The following SMYD2 variants were observed in gnomAD, a reference collection of about 807,000 sequenced individuals.
SMYD2 encodes N-lysine methyltransferase SMYD2.
SMYD2 carries 53 observed loss-of-function variants against 59.1 expected under a neutral mutation model. The observed-to-expected ratio is 0.90, with a 90% CI of 0.72 to 1.13. The LOEUF (loss-of-function observed/expected upper bound fraction) is 1.13, where lower values mean the gene tolerates loss of function less well. Ranked by LOEUF, SMYD2 falls within the 50% of genes most tolerant of loss-of-function variation. The pLI is 0.00. For missense variants in SMYD2, 494 were observed against 544.7 expected, an observed-to-expected ratio of 0.91 and a Z score of 0.93; for synonymous variants, 208 against 198.8, an observed-to-expected ratio of 1.05 and a Z score of -0.39.
chr1:214,283,448 C>G (rs1272231149), intron 1 of SMYD2, among the ~76,000 whole-genome samples: 3 of 152,098 alleles, frequency 2.0e-5, no homozygotes, highest in Non-Finnish European at 4.4e-5. Context: ...TATTTCCTCT[C>G]TCTCCCCAAA....
chr1:214,321,690 T>C (rs778333386), intron 5 of SMYD2, among the ~76,000 whole-genome samples: 1 of 152,212 alleles, frequency 6.6e-6, no homozygotes, highest in Non-Finnish European at 1.5e-5. Flanking sequence ...ATATGCATGA[T>C]TGGGAAGTGT....
rs555492893 is a variant in SMYD2 at position 214,312,791 on chromosome 1, C to T, written c.238-1971C>T. 5.9e-5 allele frequency among the ~76,000 whole-genome samples: 9 copies of T among 152,160 alleles called. No homozygotes were observed. The highest frequency in any genetic ancestry group is 1.2e-4 in the Non-Finnish European group (8 of 68,028). ...CATCACGTGTGGCCTCCTAGGTCAC[C>T]TTTAGCGCTTGGCCTTTTGCCTGGA... On this transcript the variant is annotated intron_variant, in intron 2 of 11. Transcript: ENST00000366957. The surrounding 1 kb of genome is among the most constrained non-coding windows in gnomAD (Gnocchi z 4.1).
In SMYD2 at chr1:214,314,752, A is replaced by G. The variant is rs1657053614; in HGVS notation, c.238-10A>G. 5 of 1,607,478 alleles carry G rather than the reference A, an allele frequency of 3.1e-6. No homozygotes were observed. The highest frequency in any genetic ancestry group is 4.3e-6 in the Non-Finnish European group (5 of 1,174,736). Reference sequence around the variant, plus strand: ...CTATTTTTTAATAATGTTTTTTTCAATCTTCCCAGAAAGAAGATTGGCCCA... The same window carrying G: ...CTATTTTTTAATAATGTTTTTTTCAGTCTTCCCAGAAAGAAGATTGGCCCA... On this transcript the variant is annotated splice_polypyrimidine_tract_variant and intron_variant, in intron 2 of 11. Coordinates refer to ENST00000366957, the MANE Select transcript of SMYD2 (RefSeq NM_020197.3).
intron 2 of SMYD2, among the ~76,000 whole-genome samples, chr1:214,311,946 C>T (rs1452255431): frequency 1.3e-5 from 2 of 152,118 alleles, no homozygotes; most frequent in Non-Finnish European, 2.9e-5. Flanking sequence ...TCCCCATATC[C>T]TCTCAGGTAT....
In SMYD2 at chr1:214,331,018, C is replaced by T. The variant is rs1336440176; in HGVS notation, c.885C>T (p.Val295=). 1 of 1,614,038 alleles carries T rather than the reference C, an allele frequency of 6.2e-7. No individual in the cohort carries two copies. The highest frequency in any genetic ancestry group is 2.2e-5 in the East Asian group (1 of 44,882). The change falls in exon 9 of 12, where the codon GTC becomes GTT. Residue 295 remains valine, a synonymous_variant. Coordinates refer to ENST00000366957, the MANE Select transcript of SMYD2 (RefSeq NM_020197.3). ...AGGCAGAAGCCATCCGAGACATGGT[C>T]AGATATGCACGCAACGTCATTGAAG... ...PPKAEAIRDM[V]RYARNVIEEF... is the part of the protein sequence containing the mutation.
At chr1:214,329,122 T>C (rs4655245) in intron 7 of SMYD2, among the ~76,000 whole-genome samples, 134,524 of 152,244 alleles carry the variant, frequency 0.88, 60,014 homozygotes, top group African/African-American at 0.97. Context: ...CTTTTGCCCT[T>C]ATGTTCTCCC....
chr1:214,326,717 T>C (rs1657269585), intron 6 of SMYD2, among the ~76,000 whole-genome samples: 1 of 152,038 alleles, frequency 6.6e-6, no homozygotes, highest in South Asian at 2.1e-4. Context: ...GAAACCCCTT[T>C]CCCTTTTTGT....
intron 5 of SMYD2, among the ~76,000 whole-genome samples, chr1:214,321,969 G>GT (rs1657178983): frequency 6.6e-6 from 1 of 152,142 alleles, no homozygotes; most frequent in African/African-American, 2.4e-5. Flanking sequence ...AGAAACACAA[G>GT]CAGTCTTCCA....
At chr1:214,288,041 G>A (rs1051173080) in intron 1 of SMYD2, among the ~76,000 whole-genome samples, 2 of 152,188 alleles carry the variant, frequency 1.3e-5, no homozygotes, top group Non-Finnish European at 2.9e-5. Flanking sequence ...GTTTGGAACC[G>A]ATTTCAGATG....
At chr1:214,296,940 C>T (rs1656738924) in intron 1 of SMYD2, among the ~76,000 whole-genome samples, 1 of 152,200 alleles carries the variant, frequency 6.6e-6, no homozygotes, top group Non-Finnish European at 1.5e-5. Flanking sequence ...GGGTCAGCTA[C>T]TTTATTCTTA....
intron 9 of SMYD2, 110 bp from the exon 10 acceptor site, chr1:214,331,908 T>C (rs1657360805): frequency 1.0e-6 from 1 of 967,952 alleles, no homozygotes; most frequent in South Asian, 1.8e-5. Flanking sequence ...AAGTTACTTT[T>C]TCATGGGGTA....
At chr1:214,296,593 T>C (rs1656731484) in intron 1 of SMYD2, among the ~76,000 whole-genome samples, 1 of 152,254 alleles carries the variant, frequency 6.6e-6, no homozygotes, top group African/African-American at 2.4e-5. Context: ...CAGCATTTAT[T>C]GAACGTTTAC....
chr1:214,311,346 T>G (rs1368377636), intron 2 of SMYD2, among the ~76,000 whole-genome samples: 1 of 152,230 alleles, frequency 6.6e-6, no homozygotes, highest in African/African-American at 2.4e-5. Context: ...CCCTATTTGG[T>G]CCACTTTTGT....
At chr1:214,295,673 C>T (rs112698589) in intron 1 of SMYD2, among the ~76,000 whole-genome samples, 3,047 of 152,286 alleles carry the variant, frequency 0.02, 121 homozygotes, top group African/African-American at 0.07. Context: ...TCAGCACAGC[C>T]CTGGGAAGAA....
intron 1 of SMYD2, among the ~76,000 whole-genome samples, chr1:214,287,469 C>T (rs1315792496): frequency 2.0e-5 from 3 of 151,262 alleles, no homozygotes; most frequent in Non-Finnish European, 4.4e-5. Context: ...CGCCTGTAAT[C>T]CCAGCTACTT....
chr1:214,331,274 AT>A, intron 9 of SMYD2: 1 of 715,090 alleles, frequency 1.4e-6, no homozygotes, highest in East Asian at 3.3e-5. Context: ...ATTTCCCCTT[AT>A]TTTGGCTAGT....
At chr1:214,336,237 TA>T (rs957791106) in intron 11 of SMYD2, among the ~76,000 whole-genome samples, 1 of 151,426 alleles carries the variant, frequency 6.6e-6, no homozygotes, top group South Asian at 2.1e-4. Flanking sequence ...TCTCCTTTTT[TA>T]AAAAAAAACC....
intron 7 of SMYD2, among the ~76,000 whole-genome samples, chr1:214,329,555 G>C (rs4655246): frequency 0.31 from 43,750 of 139,378 alleles, 6,632 homozygotes; most frequent in Non-Finnish European, 0.38. Flanking sequence ...TTCCAAGCTC[G>C]CTGCCCTGCA....
At chr1:214,309,961 A>G (rs1409906811) in intron 2 of SMYD2, among the ~76,000 whole-genome samples, 1 of 152,216 alleles carries the variant, frequency 6.6e-6, no homozygotes, top group African/African-American at 2.4e-5. Context: ...GAAAGCAGAA[A>G]TCCTGTGACA....
Sources: allele counts gnomAD v4.1 joint callset (sites outside exome capture counted in the v4.1 genomes callset), GRCh38; gene constraint gnomAD v4.1.1; non-coding constraint Gnocchi (gnomAD v3.1); transcripts MANE v1.5; gene names NCBI Gene and HGNC (gene_info 2026-07-23, HGNC 2026-07-21).